The following KLHL29 variants were observed in gnomAD, a reference collection of about 807,000 sequenced individuals.
KLHL29 encodes kelch like family member 29.
Under a neutral mutation model 80.4 loss-of-function variants are expected in KLHL29, and 21 were observed. The observed-to-expected ratio is 0.26, with a 90% CI of 0.19 to 0.38. KLHL29 has a LOEUF of 0.38. Ranked by LOEUF, KLHL29 falls within the 10% of genes least tolerant of loss-of-function variation. The pLI is 1.00. For synonymous variants in KLHL29, 511 were observed against 526.8 expected (o/e 0.97, Z 0.41); for missense variants, 867 against 1,223.9 (o/e 0.71, Z 4.35).
chr2:23,561,472 T>C (rs755425275), intron 2 of KLHL29, among the ~76,000 whole-genome samples: 2 of 152,104 alleles, frequency 1.3e-5, no homozygotes, highest in Non-Finnish European at 2.9e-5. Context: ...GATCAAATCA[T>C]AGGGCTGTGA....
At chr2:23,415,557 G>C (rs956818762) in intron 1 of KLHL29, among the ~76,000 whole-genome samples, 7 of 152,192 alleles carry the variant, frequency 4.6e-5, no homozygotes, top group Non-Finnish European at 8.8e-5. Flanking sequence ...GGACTTTAGT[G>C]CCAGACAGGC....
intron 5 of KLHL29, among the ~76,000 whole-genome samples, chr2:23,648,810 ATGG>A (rs1374016631): frequency 5.9e-5 from 9 of 152,190 alleles, no homozygotes; most frequent in Non-Finnish European, 1.2e-4. Flanking sequence ...TGCAGCATGG[ATGG>A]TGGTTGAGAG....
At chr2:23,609,088 G>A (rs1668796196) in intron 3 of KLHL29, among the ~76,000 whole-genome samples, 1 of 152,180 alleles carries the variant, frequency 6.6e-6, no homozygotes, top group Admixed American at 6.5e-5. Context: ...CTGTTCCCCT[G>A]ATATCAGTCA....
chr2:23,704,132 C>G (rs1331233931), intron 13 of KLHL29, among the ~76,000 whole-genome samples: 1 of 152,226 alleles, frequency 6.6e-6, no homozygotes, highest in Non-Finnish European at 1.5e-5. Flanking sequence ...CAAGGCTACC[C>G]TGCTCTCAGT....
intron 1 of KLHL29, among the ~76,000 whole-genome samples, chr2:23,419,648 C>G (rs371239787): frequency 6.6e-6 from 1 of 152,106 alleles, no homozygotes; most frequent in Admixed American, 6.5e-5. Context: ...TGAAAAATGT[C>G]GAGCGGAATG....
intron 5 of KLHL29, chr2:23,643,958 C>T (rs72782218): frequency 0.14 from 21,448 of 150,958 alleles, 1,821 homozygotes; most frequent in Middle Eastern, 0.23. Flanking sequence ...CTCTGCCTTT[C>T]GGCAGAGCAA....
chr2:23,471,156 A>G (rs1664486078), intron 1 of KLHL29, among the ~76,000 whole-genome samples: 1 of 151,584 alleles, frequency 6.6e-6, no homozygotes, highest in African/African-American at 2.4e-5. Context: ...AGGAAGAAAG[A>G]CTCTTTGTTG....
At chr2:23,389,009 TA>T (rs143058381) in intron 1 of KLHL29, among the ~76,000 whole-genome samples, 33,918 of 97,636 alleles carry the variant, frequency 0.35, 5,199 homozygotes, top group South Asian at 0.51. Flanking sequence ...TTTTTTTTTT[TA>T]AAATCCCAGT....
rs1157736706 is a variant in KLHL29 at position 23,613,763 on chromosome 2, C to CAAAAAAAAAAAAAAA, written c.286-25363_286-25349dup. Among the ~76,000 whole-genome samples the CAAAAAAAAAAAAAAA allele has an allele frequency of 4.4e-4, 28 of 63,702 alleles. 4 individuals are homozygous for CAAAAAAAAAAAAAAA. Among genetic ancestry groups the CAAAAAAAAAAAAAAA allele is most frequent in the African/African-American group, 2.0e-3 (22 of 11,258 alleles). The allele number at this position is 63,702 out of a possible 152,430, so 41.8% of individuals were successfully genotyped here. On this transcript the variant is annotated intron_variant, in intron 3 of 13. Coordinates refer to ENST00000486442, the MANE Select transcript of KLHL29 (RefSeq NM_052920.2). The stretch of plus-strand genomic sequence containing the variant: ...TGGGCGGCAGGGCAAGACTCCATCT[C>CAAAAAAAAAAAAAAA]AAAAAAAAAAAAAAAAAAAAAAAAA...
chr2:23,525,954 C>A (rs923006176), intron 2 of KLHL29, among the ~76,000 whole-genome samples: 1 of 152,236 alleles, frequency 6.6e-6, no homozygotes, highest in Non-Finnish European at 1.5e-5. Flanking sequence ...CCCTTCTGGC[C>A]TCATCTGGCC....
rs568715983 is a variant in KLHL29 at position 23,659,171 on chromosome 2, ACCTAGGATGTGCGGGAGCTGAATGGTACC to A, written c.940+16324_940+16352del. Among the ~76,000 whole-genome samples the A allele has an allele frequency of 5.3e-3, 803 of 152,266 alleles. 8 individuals are homozygous for A. Among genetic ancestry groups the A allele is most frequent in the African/African-American group, 0.018 (760 of 41,554 alleles). On this transcript the variant is annotated intron_variant, in intron 5 of 13. Coordinates refer to ENST00000486442, the MANE Select transcript of KLHL29 (RefSeq NM_052920.2). The stretch of plus-strand genomic sequence containing the variant: ...CCAGAAAATTGTCATAACGAAGGAA[ACCTAGGATGTGCGGGAGCTGAATGGTACC>A]CCCTGGAGTTGTGCAGTGTGCAACT...
intron 2 of KLHL29, among the ~76,000 whole-genome samples, chr2:23,495,520 G>T (rs987407510): frequency 6.6e-6 from 1 of 152,128 alleles, no homozygotes; most frequent in Admixed American, 6.5e-5. Flanking sequence ...TTCTGCCCTG[G>T]GTGGCAGTGG....
At chr2:23,590,220 T>C (rs1668222530) in intron 3 of KLHL29, among the ~76,000 whole-genome samples, 2 of 152,238 alleles carry the variant, frequency 1.3e-5, no homozygotes, top group Admixed American at 6.5e-5. Flanking sequence ...TGTATTCCTC[T>C]GATACTCTCT....
chr2:23,487,548 C>T lies in KLHL29; in HGVS notation c.-46+11881C>T, dbSNP rs115558482. Among the ~76,000 whole-genome samples, 315 of 152,230 alleles carry T rather than the reference C, an allele frequency of 2.1e-3. 4 individuals are homozygous for T. The highest frequency in any genetic ancestry group is 7.3e-3 in the African/African-American group (304 of 41,522). On this transcript the variant is annotated intron_variant, in intron 2 of 13. Coordinates refer to ENST00000486442, the MANE Select transcript of KLHL29 (RefSeq NM_052920.2). The stretch of plus-strand genomic sequence containing the variant: ...GACTGGGTTAGCTCTGCCAAGAGCT[C>T]CTCCTCTCCTGCCATGCCATCACCT...
chr2:23,658,896 C>G (rs1175961712), intron 5 of KLHL29, among the ~76,000 whole-genome samples: 1 of 152,220 alleles, frequency 6.6e-6, no homozygotes, highest in East Asian at 1.9e-4. Context: ...TCTGTGACAT[C>G]CCGGTTTTCT....
intron 2 of KLHL29, among the ~76,000 whole-genome samples, chr2:23,518,175 T>TG (rs1665996873): frequency 6.6e-6 from 1 of 152,172 alleles, no homozygotes; most frequent in Non-Finnish European, 1.5e-5. Flanking sequence ...AGCCCCTCCG[T>TG]GGGGACCCAG....
chr2:23,489,427 C>G lies in KLHL29; in HGVS notation c.-46+13760C>G, dbSNP rs544572110. Among the ~76,000 whole-genome samples, 28 of 152,230 alleles carry G rather than the reference C, an allele frequency of 1.8e-4. 1 individual carries two copies. In the South Asian group the frequency reaches 5.8e-3, roughly 32 times the overall value. ...TTTCTTCTATCTGACCTGAATCTCC[C>G]TTGCTGCAATTTAAGCCCATTTTCC... On this transcript the variant is annotated intron_variant, in intron 2 of 13. Coordinates refer to ENST00000486442, the MANE Select transcript of KLHL29 (RefSeq NM_052920.2).
chr2:23,418,399 C>T (rs1230256395), intron 1 of KLHL29, among the ~76,000 whole-genome samples: 1 of 152,102 alleles, frequency 6.6e-6, no homozygotes, highest in African/African-American at 2.4e-5. Flanking sequence ...CTCCCACCCC[C>T]GTCCAAGCAA....
intron 5 of KLHL29, among the ~76,000 whole-genome samples, chr2:23,675,745 T>C (rs1670900810): frequency 6.6e-6 from 1 of 152,236 alleles, no homozygotes; most frequent in Non-Finnish European, 1.5e-5. Flanking sequence ...CTTTAGCAAC[T>C]GTAGATTGCA....
Sources: allele counts gnomAD v4.1 joint callset (sites outside exome capture counted in the v4.1 genomes callset), GRCh38; gene constraint gnomAD v4.1.1; transcripts MANE v1.5; gene names NCBI Gene and HGNC (gene_info 2026-07-23, HGNC 2026-07-21).